CPED1: variants seen among roughly 807,000 people sequenced by gnomAD.
CPED1 encodes the protein cadherin like and PC-esterase domain containing 1, also known as cadherin-like and PC-esterase domain-containing protein 1.
Under a neutral mutation model 128.2 loss-of-function variants are expected in CPED1, and 114 were observed. The observed-to-expected ratio is 0.89, with a 90% confidence interval of 0.76 to 1.04. The LOEUF (loss-of-function observed/expected upper bound fraction) is 1.04. CPED1 is among the 50% of genes least tolerant of loss of function. The probability of loss-of-function intolerance (pLI) is 0.00; values close to 1 mark genes in which losing one functional copy is unlikely to be tolerated. For missense variants in CPED1, 1,211 were observed against 1,207.1 expected (o/e 1.00, Z -0.05); for synonymous variants, 462 against 426.7 (o/e 1.08, Z -1.02).
chr7:121,170,906 C>T lies in CPED1; in HGVS notation c.2055+28765C>T, dbSNP rs146039004. Among the ~76,000 whole-genome samples, 1,214 of 151,808 alleles carry T rather than the reference C, an allele frequency of 8.0e-3. 21 individuals are homozygous for T. The highest frequency in any genetic ancestry group is 0.028 in the African/African-American group (1,151 of 41,402). ...TCTCTACTAAAAATACAAAAATTAG[C>T]GGGTGTGGTGGCCCATGTCTGTAAT... On this transcript the variant is annotated intron_variant, in intron 16 of 22. Transcript: ENST00000310396.
rs201986877 is a variant in CPED1 at position 121,124,307 on chromosome 7, G to A, written c.919-24G>A. 3.7e-5 allele frequency: 59 copies of A among 1,586,638 alleles called. No homozygotes were observed. In the East Asian group the frequency reaches 5.5e-4, roughly 15 times the overall value. On this transcript the variant is annotated intron_variant, in intron 7 of 22. Coordinates refer to ENST00000310396, the MANE Select transcript of CPED1 (RefSeq NM_024913.5). The stretch of plus-strand genomic sequence containing the variant: ...CAAACTGAGGCTATTGTTTTAACAC[G>A]TGAATCCTTTACTTTGTTCACAGCT...
At chr7:121,027,120 C>T (rs1354698295) in intron 3 of CPED1, among the ~76,000 whole-genome samples, 2 of 151,580 alleles carry the variant, frequency 1.3e-5, no homozygotes, top group Non-Finnish European at 2.9e-5. Context: ...GGATTACAGA[C>T]GTGAACCATC....
intron 14 of CPED1, among the ~76,000 whole-genome samples, chr7:121,137,911 T>A (rs1795819094): frequency 6.6e-6 from 1 of 152,100 alleles, no homozygotes; most frequent in Non-Finnish European, 1.5e-5. Context: ...CTCTTTGGGC[T>A]TCTATTTTCT....
Position 121,210,556 on chromosome 7 carries a change from A to C in CPED1, c.2056-26158A>C, listed in dbSNP as rs113187235. On this transcript the variant is annotated intron_variant, in intron 16 of 22. Coordinates refer to ENST00000310396, the MANE Select transcript of CPED1 (RefSeq NM_024913.5). ...ATGCAAAATGAGATAAACCAAGCAC[A>C]GAAAGACAAACTTCACATGTTATCA... Among the ~76,000 whole-genome samples, 195 of 152,230 alleles carry C rather than the reference A, an allele frequency of 1.3e-3. 3 individuals are homozygous for C. Among genetic ancestry groups the C allele is most frequent in the African/African-American group, 4.5e-3 (186 of 41,578 alleles).
At chr7:121,174,381 C>T (rs79305577) in intron 16 of CPED1, among the ~76,000 whole-genome samples, 3 of 152,144 alleles carry the variant, frequency 2.0e-5, no homozygotes, top group Non-Finnish European at 4.4e-5. Flanking sequence ...TTTAATCCAT[C>T]TTGAGTTGAT....
intron 4 of CPED1, among the ~76,000 whole-genome samples, chr7:121,058,029 G>A (rs1027527302): frequency 6.6e-6 from 1 of 152,092 alleles, no homozygotes; most frequent in Non-Finnish European, 1.5e-5. Context: ...ACTCAGAGGA[G>A]AGGAACAATA....
At chr7:121,273,938 G>A (rs1268293199) in intron 22 of CPED1, among the ~76,000 whole-genome samples, 2 of 152,174 alleles carry the variant, frequency 1.3e-5, no homozygotes, top group Admixed American at 1.3e-4. Flanking sequence ...AAAAAAGCAA[G>A]CCAGTGGTTG....
intron 4 of CPED1, among the ~76,000 whole-genome samples, chr7:121,063,424 T>C (rs967927633): frequency 6.7e-6 from 1 of 148,702 alleles, no homozygotes; most frequent in Non-Finnish European, 1.5e-5. Flanking sequence ...TTCTCTTAAG[T>C]GCCCGAAGCG....
At chr7:120,998,726 T>C (rs1017975115) in intron 2 of CPED1, among the ~76,000 whole-genome samples, 2 of 152,156 alleles carry the variant, frequency 1.3e-5, no homozygotes, top group Non-Finnish European at 2.9e-5. Context: ...AATGAATCTT[T>C]TGAAACAAAA....
chr7:121,261,925 T>C, intron 18 of CPED1: 1 of 513,582 alleles, frequency 1.9e-6, no homozygotes, highest in Non-Finnish European at 3.4e-6. Flanking sequence ...CCTATTGATA[T>C]AGTTTGGATG....
chr7:121,004,207 T>A (rs1310522693), intron 2 of CPED1, among the ~76,000 whole-genome samples: 1 of 152,178 alleles, frequency 6.6e-6, no homozygotes, highest in Non-Finnish European at 1.5e-5. Flanking sequence ...AAAATCCAGA[T>A]GAACTGGTTG....
rs148932372 is a variant in CPED1, at chr7:121,076,287, G to C, written c.616+11974G>C. On this transcript the variant is annotated intron_variant, in intron 5 of 22. Coordinates refer to ENST00000310396, the MANE Select transcript of CPED1 (RefSeq NM_024913.5). ...CAAAAATATAATTCCCCACTCCTGC[G>C]AGACATAATTAACCATTTTAAATAA... Among the ~76,000 whole-genome samples, 1,061 of 152,240 alleles carry C rather than the reference G, an allele frequency of 7.0e-3. 10 individuals carry two copies. The highest frequency in any genetic ancestry group is 0.022 in the African/African-American group (934 of 41,552).
intron 16 of CPED1, among the ~76,000 whole-genome samples, chr7:121,187,214 A>G (rs1164659340): frequency 1.3e-5 from 2 of 152,214 alleles, no homozygotes; most frequent in African/African-American, 2.4e-5. Flanking sequence ...GCAGGCTGCT[A>G]TAATGGACAA....
intron 16 of CPED1, among the ~76,000 whole-genome samples, chr7:121,200,951 AAG>A (rs34397872): frequency 0.4 from 61,115 of 151,760 alleles, 13,231 homozygotes; most frequent in East Asian, 0.79. Context: ...GGCAAATCAA[AAG>A]AGAGAGCAGT....
chr7:121,199,865 A>G (rs1220436382), intron 16 of CPED1, among the ~76,000 whole-genome samples: 1 of 152,160 alleles, frequency 6.6e-6, no homozygotes, highest in Non-Finnish European at 1.5e-5. Flanking sequence ...AATTTAAAAA[A>G]TATGTTATTG....
chr7:121,030,288 T>C (rs1005965791), intron 3 of CPED1, among the ~76,000 whole-genome samples: 2 of 152,242 alleles, frequency 1.3e-5, no homozygotes, highest in African/African-American at 4.8e-5. Flanking sequence ...TCAATAGTTT[T>C]AAGCTAGCCT....
At chr7:121,263,849 C>T (rs1792068712) in intron 18 of CPED1, among the ~76,000 whole-genome samples, 1 of 151,980 alleles carries the variant, frequency 6.6e-6, no homozygotes, top group Non-Finnish European at 1.5e-5. Context: ...AAGAAAAACC[C>T]ACACTGGCAA....
chr7:121,145,558 G>A (rs1294352762), intron 16 of CPED1, among the ~76,000 whole-genome samples: 7 of 152,034 alleles, frequency 4.6e-5, no homozygotes, highest in Admixed American at 2.6e-4. Context: ...TGAATAATGT[G>A]GACTGCTTTA....
intron 5 of CPED1, among the ~76,000 whole-genome samples, chr7:121,096,284 C>G (rs1171251224): frequency 6.6e-6 from 1 of 152,118 alleles, no homozygotes; most frequent in Non-Finnish European, 1.5e-5. Context: ...AGCTTGACTT[C>G]TGCTGACTTT....
Sources: allele counts gnomAD v4.1 joint callset (sites outside exome capture counted in the v4.1 genomes callset), GRCh38; gene constraint gnomAD v4.1.1; transcripts MANE v1.5; gene names NCBI Gene and HGNC (gene_info 2026-07-23, HGNC 2026-07-21).